The following PPM1H variants were observed in gnomAD, a reference collection of about 807,000 sequenced individuals.
PPM1H encodes the protein protein phosphatase, Mg2+/Mn2+ dependent 1H.
In PPM1H, 27 loss-of-function variants were observed where a neutral mutation model predicts 54.9. The ratio of observed to expected loss-of-function variants is 0.49; its 90% CI spans 0.36 to 0.68. The LOEUF (loss-of-function observed/expected upper bound fraction) is 0.68, where lower values mean the gene tolerates loss of function less well. Among genes scored for constraint, PPM1H ranks in the 30% least tolerant of loss-of-function variants. The pLI is 0.00. For synonymous variants in PPM1H, 305 were observed against 270.8 expected (o/e 1.13, Z -1.24); for missense variants, 596 against 667.8 (o/e 0.89, Z 1.19).
At chr12:62,679,308 T>C (rs972969840) in intron 8 of PPM1H, among the ~76,000 whole-genome samples, 3 of 152,186 alleles carry the variant, frequency 2.0e-5, no homozygotes, top group African/African-American at 7.2e-5. Flanking sequence ...TAATGTGATT[T>C]CATCCCCAAA....
At chr12:62,692,172 G>C (rs911366143) in intron 7 of PPM1H, among the ~76,000 whole-genome samples, 2 of 152,200 alleles carry the variant, frequency 1.3e-5, no homozygotes, top group African/African-American at 4.8e-5. Context: ...CCAGGATCTA[G>C]AAGGAGCTCC....
chr12:62,702,130 G>T (rs2076147137), intron 6 of PPM1H, among the ~76,000 whole-genome samples: 1 of 152,096 alleles, frequency 6.6e-6, no homozygotes, highest in South Asian at 2.1e-4. Context: ...TCATGGCTGG[G>T]TTCCCATTGG....
rs910544814 is a variant in PPM1H, at chr12:62,735,093, G to C, written c.954+2409C>G. Among the ~76,000 whole-genome samples, 22 of 152,120 alleles carry C rather than the reference G, an allele frequency of 1.4e-4. No homozygotes were observed. The East Asian group carries it at 4.2e-3, about 29-fold the overall frequency. On this transcript the variant is annotated intron_variant, in intron 5 of 9. Coordinates refer to ENST00000228705, the MANE Select transcript of PPM1H (RefSeq NM_020700.2). ...GAAGGTGAGGATAGGATATAATAGAGGCAAGGAAGGCAAAGGCTTCATACC... is the reference window on the plus strand; with the variant it reads ...GAAGGTGAGGATAGGATATAATAGACGCAAGGAAGGCAAAGGCTTCATACC...
At chr12:62,784,928 T>C (rs2076661958) in intron 4 of PPM1H, among the ~76,000 whole-genome samples, 1 of 152,240 alleles carries the variant, frequency 6.6e-6, no homozygotes, top group Admixed American at 6.5e-5. Flanking sequence ...TTTCCTGAAG[T>C]ATGACCCATA....
intron 4 of PPM1H, chr12:62,755,251 G>A: frequency 1.4e-6 from 1 of 729,884 alleles, no homozygotes. Context: ...CAAAGTCAAT[G>A]GATTTGGTTG....
intron 4 of PPM1H, among the ~76,000 whole-genome samples, chr12:62,749,201 A>G (rs533487151): frequency 1.5e-4 from 23 of 152,348 alleles, no homozygotes; most frequent in South Asian, 4.1e-4. Context: ...GCAGAGCTAC[A>G]AACAAAAAGG....
intron 6 of PPM1H, among the ~76,000 whole-genome samples, chr12:62,706,491 C>T (rs1013549489): frequency 3.9e-5 from 6 of 152,358 alleles, no homozygotes; most frequent in South Asian, 4.1e-4. Flanking sequence ...CAGCAGTTAA[C>T]GGATTTTCAC....
At chr12:62,856,398 A>T (rs1360083766) in intron 1 of PPM1H, among the ~76,000 whole-genome samples, 2 of 152,166 alleles carry the variant, frequency 1.3e-5, no homozygotes, top group Non-Finnish European at 2.9e-5. Flanking sequence ...TCTTTCAGAG[A>T]TCACTATCTT....
intron 4 of PPM1H, among the ~76,000 whole-genome samples, chr12:62,771,937 TA>T (rs1229928804): frequency 6.6e-6 from 1 of 152,232 alleles, no homozygotes; most frequent in Non-Finnish European, 1.5e-5. Context: ...TGAGTTGAAT[TA>T]ATTCATTTAA....
At position 62,916,908 on chromosome 12, in the gene PPM1H, C is replaced by A. The variant is rs144675262; in HGVS notation, c.245+17584G>T. Among the ~76,000 whole-genome samples the A allele has an allele frequency of 4.6e-3, 661 of 143,936 alleles. 13 individuals carry two copies. The highest frequency in any genetic ancestry group is 0.03 in the Admixed American group (425 of 14,388). 94.4% of individuals were successfully genotyped at this position (143,936 alleles called of 152,430 possible). A position where few individuals can be genotyped will look rare whatever the true frequency, so the allele number is the denominator to read the frequency against. On this transcript the variant is annotated intron_variant, in intron 1 of 9. Coordinates refer to ENST00000228705, the MANE Select transcript of PPM1H (RefSeq NM_020700.2). The stretch of plus-strand genomic sequence containing the variant: ...TCGCTTAACATCTGAAATGAACAGA[C>A]CACTAGTTACCCTCTACTTAAAAAA...
intron 4 of PPM1H, among the ~76,000 whole-genome samples, chr12:62,741,858 A>G (rs2120540897): frequency 6.6e-6 from 1 of 152,290 alleles, no homozygotes; most frequent in East Asian, 1.9e-4. Context: ...ACTTGAGTGG[A>G]GGAACAGAAG....
chr12:62,646,310 A>T lies in PPM1H; in HGVS notation c.*2179T>A, dbSNP rs2075784504. ...AGTAGAAGGTAGTTGTGACATCTAC[A>T]CCCAAATTCTTACTCTGGTGGCTTG... On this transcript the variant is annotated 3_prime_UTR_variant, in exon 10 of 10. Coordinates refer to ENST00000228705, the MANE Select transcript of PPM1H (RefSeq NM_020700.2). 6.6e-6 allele frequency: 1 copy of T among 152,180 alleles called. No individual in the cohort carries two copies. The highest frequency in any genetic ancestry group is 6.5e-5 in the Admixed American group (1 of 15,268). The allele number at this position is 152,180 out of a possible 1,614,324, so 9.4% of individuals were successfully genotyped here.
rs142193770 is a variant in PPM1H, at chr12:62,927,497, T to C, written c.245+6995A>G. Among the ~76,000 whole-genome samples, 560 of 151,716 alleles carry C rather than the reference T, an allele frequency of 3.7e-3. 6 individuals are homozygous for C. Among genetic ancestry groups the C allele is most frequent in the African/African-American group, 0.012 (513 of 41,386 alleles). Reference sequence around the variant, plus strand: ...CAACATGAGGAAACCTCATCTCTACTAAAAATACAAAAAAATTACCTGGGT... The same window carrying C: ...CAACATGAGGAAACCTCATCTCTACCAAAAATACAAAAAAATTACCTGGGT... On this transcript the variant is annotated intron_variant, in intron 1 of 9. Coordinates refer to ENST00000228705, the MANE Select transcript of PPM1H (RefSeq NM_020700.2).
At chr12:62,774,983 C>A (rs2076601585) in intron 4 of PPM1H, among the ~76,000 whole-genome samples, 1 of 152,158 alleles carries the variant, frequency 6.6e-6, no homozygotes, top group Admixed American at 6.5e-5. Context: ...GGAAACTGGA[C>A]TAGATGAGTG....
Position 62,801,665 on chromosome 12 carries a change from T to C in PPM1H, c.756+151A>G, listed in dbSNP as rs1361584900. 4.9e-6 allele frequency: 4 copies of C among 824,520 alleles called. No homozygotes were observed. In the African/African-American group the frequency reaches 5.2e-5, roughly 11 times the overall value. The allele number at this position is 824,520 out of a possible 1,614,324, so 51.1% of individuals were successfully genotyped here. ...AACTCTGTCTGCTGCCAATTTCTAT[T>C]GGGAATGGAAGCCCCATTATCACAG... On this transcript the variant is annotated intron_variant, in intron 3 of 9. Transcript: ENST00000228705.
intron 8 of PPM1H, among the ~76,000 whole-genome samples, chr12:62,669,869 T>A (rs1368663698): frequency 1.3e-5 from 2 of 151,334 alleles, no homozygotes; most frequent in Non-Finnish European, 2.9e-5. Context: ...AACCCAGGAT[T>A]TTGAGGCTGT....
intron 1 of PPM1H, among the ~76,000 whole-genome samples, chr12:62,890,387 G>A (rs141817300): frequency 1.1e-4 from 17 of 152,294 alleles, no homozygotes; most frequent in Non-Finnish European, 2.5e-4. Context: ...GAGCCTGGAA[G>A]GTCAAGACTG....
At chr12:62,671,765 G>C (rs187227531) in intron 8 of PPM1H, among the ~76,000 whole-genome samples, 3 of 152,306 alleles carry the variant, frequency 2.0e-5, no homozygotes, top group Admixed American at 1.3e-4. Flanking sequence ...CTGTTACTCA[G>C]TGTTAGACTG....
At chr12:62,907,172 C>T (rs1007545729) in intron 1 of PPM1H, among the ~76,000 whole-genome samples, 2 of 152,160 alleles carry the variant, frequency 1.3e-5, no homozygotes, top group East Asian at 3.9e-4. Flanking sequence ...CTGTTCTTCC[C>T]ACCCTCCATC....
Sources: gnomAD v4.1 joint callset for allele counts (sites outside exome capture counted in the v4.1 genomes callset) on GRCh38, gnomAD v4.1.1 for gene constraint, MANE v1.5 for transcripts, NCBI Gene and HGNC (gene_info 2026-07-23, HGNC 2026-07-21) for gene names.